SPAG9: variants seen among roughly 807,000 people sequenced by gnomAD.
SPAG9 encodes the protein C-Jun-amino-terminal kinase-interacting protein 4.
In SPAG9, 35 loss-of-function variants were observed where a neutral mutation model predicts 166.5. The observed-to-expected ratio is 0.21, with a 90% CI of 0.16 to 0.28. SPAG9 has a LOEUF of 0.28. Among genes scored for constraint, SPAG9 ranks in the 10% least tolerant of loss-of-function variants. The probability of loss-of-function intolerance (pLI) is 1.00; values close to 1 mark genes in which losing one functional copy is unlikely to be tolerated. For synonymous variants in SPAG9, 534 were observed against 565.5 expected (o/e 0.94, Z 0.79); for missense variants, 1,235 against 1,603.3 (o/e 0.77, Z 3.92).
At chr17:51,087,244 G>A (rs766582243) in intron 1 of SPAG9, among the ~76,000 whole-genome samples, 8 of 152,174 alleles carry the variant, frequency 5.3e-5, no homozygotes, top group Non-Finnish European at 1.0e-4. Context: ...AGCTCAGAAA[G>A]CAGAACACTC....
At chr17:51,035,173 T>C (rs2046538373) in intron 5 of SPAG9, among the ~76,000 whole-genome samples, 2 of 152,178 alleles carry the variant, frequency 1.3e-5, no homozygotes, top group South Asian at 2.1e-4. Flanking sequence ...AAAAGCAATA[T>C]GGGATCCTGG....
intron 7 of SPAG9, 60 bp downstream of exon 7, chr17:51,021,098 C>T: frequency 7.1e-7 from 1 of 1,403,418 alleles, no homozygotes; most frequent in Non-Finnish European, 1.0e-6. Flanking sequence ...TTTTCTCATA[C>T]CCACATTATC....
chr17:51,006,367 T>C (rs1358473849), intron 10 of SPAG9, 130 bp from the exon 11 acceptor site: 9 of 852,186 alleles, frequency 1.1e-5, no homozygotes, highest in South Asian at 8.2e-5. Flanking sequence ...TTCTACCCAA[T>C]GTTGTTTGTA....
intron 1 of SPAG9, among the ~76,000 whole-genome samples, chr17:51,095,980 T>TATATATATAGTG (rs1568083903): frequency 3.9e-5 from 5 of 126,590 alleles, no homozygotes; most frequent in Admixed American, 3.5e-4. Flanking sequence ...TAGTGATATA[T>TATATATATAGTG]ATATATATAG....
chr17:50,993,737 GC>G (rs1975816590), intron 19 of SPAG9, 26 bp downstream of exon 19: 1 of 1,608,474 alleles, frequency 6.2e-7, no homozygotes, highest in Non-Finnish European at 8.5e-7. Context: ...GGAGGGGAGG[GC>G]AGAGAAACGC....
intron 8 of SPAG9, among the ~76,000 whole-genome samples, chr17:51,019,330 G>A (rs953692910): frequency 2.0e-5 from 3 of 152,326 alleles, no homozygotes; most frequent in Middle Eastern, 3.4e-3. Flanking sequence ...GGCCGAGGCA[G>A]GCTGATCACC....
intron 2 of SPAG9, among the ~76,000 whole-genome samples, chr17:51,066,299 C>G (rs1196509991): frequency 1.3e-5 from 2 of 151,968 alleles, no homozygotes; most frequent in Non-Finnish European, 2.9e-5. Context: ...TTTGTAGAGA[C>G]AAGGTCTCAC....
At chr17:51,056,999 T>G (rs2144522245) in intron 2 of SPAG9, among the ~76,000 whole-genome samples, 1 of 152,072 alleles carries the variant, frequency 6.6e-6, no homozygotes, top group Middle Eastern at 3.4e-3. Flanking sequence ...GAGTACAACT[T>G]CAGGATATTT....
rs1356656990 is a variant in SPAG9, at chr17:50,962,269, C to T, written c.*4003G>A. ...ATAGAAATAAATACTGAAATAACTA[C>T]ATTGCTAAATGAGCTCTTTGCTCAT... is the stretch of plus-strand genomic sequence containing the variant. On this transcript the variant is annotated 3_prime_UTR_variant, in exon 30 of 30. Coordinates refer to ENST00000262013, the MANE Select transcript of SPAG9 (RefSeq NM_001130528.3). 3 of 152,150 alleles carry T rather than the reference C, an allele frequency of 2.0e-5. No homozygotes were observed. Among genetic ancestry groups the T allele is most frequent in the Non-Finnish European group, 4.4e-5 (3 of 68,022 alleles). The allele number at this position is 152,150 out of a possible 1,614,324, so 9.4% of individuals were successfully genotyped here. A position where few individuals can be genotyped will look rare whatever the true frequency, so the allele number is the denominator to read the frequency against.
chr17:51,076,959 G>A (rs558407188), intron 2 of SPAG9, among the ~76,000 whole-genome samples: 46 of 150,368 alleles, frequency 3.1e-4, no homozygotes, highest in African/African-American at 1.0e-3. Flanking sequence ...AACATAATGA[G>A]ATCTTGTCTC....
At chr17:50,981,432 A>ATG (rs1449868208) in intron 25 of SPAG9, among the ~76,000 whole-genome samples, 5 of 142,010 alleles carry the variant, frequency 3.5e-5, no homozygotes, top group African/African-American at 1.4e-4. Context: ...ATGGATGGAT[A>ATG]GACAGCCAGA....
At chr17:51,082,249 C>A (rs932158404) in intron 1 of SPAG9, among the ~76,000 whole-genome samples, 1 of 151,908 alleles carries the variant, frequency 6.6e-6, no homozygotes, top group African/African-American at 2.4e-5. Context: ...GTGGTGCACG[C>A]CTGTAATCCC....
chr17:51,038,685 A>G (rs1356565699), intron 5 of SPAG9, among the ~76,000 whole-genome samples: 1 of 151,992 alleles, frequency 6.6e-6, no homozygotes, highest in Non-Finnish European at 1.5e-5. Context: ...ACTCCTCCAG[A>G]CCTTTCCATG....
Position 51,006,184 on chromosome 17 carries a change from G to A in SPAG9, c.1325C>T (p.Thr442Ile). 1 of 1,614,152 alleles carries A rather than the reference G, an allele frequency of 6.2e-7. No individual in the cohort carries two copies. The highest frequency in any genetic ancestry group is 8.5e-7 in the Non-Finnish European group (1 of 1,179,998). ...NDLIAKVDEL[T>I]CEKDVLQGEL... is the part of the protein sequence containing the mutation. The stretch of plus-strand genomic sequence containing the variant: ...CCCTTGCAGCACATCTTTCTCACAG[G>A]TCAGTTCATCCACTTTTGCTATCAA... The change falls in exon 11 of 30, where the codon ACC (threonine) becomes ATC (isoleucine). Residue 442 changes from threonine to isoleucine, a missense_variant. By Grantham distance (89) the Thr-to-Ile change is moderately conservative (BLOSUM62 -1). Transcript: ENST00000262013.
chr17:51,052,024 A>C (rs539146587), intron 3 of SPAG9, among the ~76,000 whole-genome samples: 1 of 152,300 alleles, frequency 6.6e-6, no homozygotes, highest in South Asian at 2.1e-4. Context: ...CTTTTAAGCA[A>C]ATTCAGTAAT....
rs367976344 is a variant in SPAG9 at position 50,970,495 on chromosome 17, AG to A, written c.3850+211del. ...GCCACTGCACTCCAGCCTGGGTGACAGAGTGAGACGTCATCTCAAAAAAAAA... is the reference window on the plus strand; with the variant it reads ...GCCACTGCACTCCAGCCTGGGTGACAAGTGAGACGTCATCTCAAAAAAAAA... On this transcript the variant is annotated intron_variant, in intron 29 of 29. Coordinates refer to ENST00000262013, the MANE Select transcript of SPAG9 (RefSeq NM_001130528.3). Among the ~76,000 whole-genome samples the A allele has an allele frequency of 6.0e-5, 9 of 149,610 alleles. No homozygotes were observed. The East Asian group carries it at 1.6e-3, about 26-fold the overall frequency.
At position 50,998,373 on chromosome 17, in the gene SPAG9, A is replaced by G. The variant is rs2044771795; in HGVS notation, c.1838+71T>C. 19 of 1,387,964 alleles carry G rather than the reference A, an allele frequency of 1.4e-5. No individual in the cohort carries two copies. The South Asian group carries it at 2.2e-4, about 16-fold the overall frequency. 86.0% of individuals were successfully genotyped at this position (1,387,964 alleles called of 1,614,324 possible). A position where few individuals can be genotyped will look rare whatever the true frequency, so the allele number is the denominator to read the frequency against. ...AGATTTACCTGAATCCTTAGAGCTG[A>G]TAAGAGGCCAAGAATATTCTGAACC... On this transcript the variant is annotated intron_variant, in intron 15 of 29. Coordinates refer to ENST00000262013, the MANE Select transcript of SPAG9 (RefSeq NM_001130528.3).
At chr17:51,037,665 T>TTTTATATATATATATATATATATA (rs1239466619) in intron 5 of SPAG9, among the ~76,000 whole-genome samples, 2 of 92,912 alleles carry the variant, frequency 2.2e-5, no homozygotes, top group African/African-American at 7.4e-5. Flanking sequence ...TATATGTGTT[T>TTTTATATATATATATATATATATA]TATATATATA....
intron 20 of SPAG9, 36 bp downstream of exon 20, chr17:50,990,414 C>T (rs761110472): frequency 1.4e-6 from 2 of 1,460,780 alleles, no homozygotes; most frequent in African/African-American, 2.8e-5. Context: ...TAGCCTTAGA[C>T]TCTATACAGA....
Sources: allele counts gnomAD v4.1 joint callset (sites outside exome capture counted in the v4.1 genomes callset), GRCh38; gene constraint gnomAD v4.1.1; transcripts MANE v1.5; gene names NCBI Gene and HGNC (gene_info 2026-07-23, HGNC 2026-07-21).